TSNARE1: variants seen among roughly 807,000 people sequenced by gnomAD.
TSNARE1 encodes the protein t-SNARE domain containing 1.
Under a neutral mutation model 62.0 loss-of-function variants are expected in TSNARE1, and 49 were observed. That is an observed-to-expected ratio of 0.79 (90% confidence interval 0.63 to 1.00). TSNARE1 has a LOEUF of 1.00. Ranked by LOEUF, TSNARE1 falls within the 50% of genes least tolerant of loss-of-function variation. The probability of loss-of-function intolerance (pLI) is 0.00; values close to 1 mark genes in which losing one functional copy is unlikely to be tolerated. For synonymous variants in TSNARE1, 328 were observed against 294.4 expected, an observed-to-expected ratio of 1.11 and a Z score of -1.17; for missense variants, 755 against 700.1, an observed-to-expected ratio of 1.08 and a Z score of -0.88.
chr8:142,229,202 A>G (rs1332256062), intron 13 of TSNARE1, among the ~76,000 whole-genome samples: 2 of 149,652 alleles, frequency 1.3e-5, no homozygotes, highest in African/African-American at 2.5e-5. Context: ...GAATGGGTGG[A>G]TAGAAGGGTG....
upstream of TSNARE1, chr8:142,403,839 G>A (rs901768146): frequency 1.3e-5 from 2 of 152,370 alleles, no homozygotes; most frequent in African/African-American, 4.8e-5. Flanking sequence ...GCAGGGGCCT[G>A]GGGCGCCTCC....
intron 10 of TSNARE1, among the ~76,000 whole-genome samples, chr8:142,287,576 C>T (rs1822973025): frequency 7.4e-6 from 1 of 135,530 alleles, no homozygotes; most frequent in South Asian, 2.6e-4. Flanking sequence ...AGGACCCCGG[C>T]CAGATCTCAG....
At chr8:142,396,760 T>C (rs560005286) in intron 1 of TSNARE1, among the ~76,000 whole-genome samples, 106 of 152,270 alleles carry the variant, frequency 7.0e-4, no homozygotes, top group African/African-American at 2.5e-3. Flanking sequence ...TCAGGTAAGT[T>C]TCCCAAGGCT....
chr8:142,258,649 T>A (rs1404219937), intron 12 of TSNARE1, among the ~76,000 whole-genome samples: 1 of 150,978 alleles, frequency 6.6e-6, no homozygotes, highest in African/African-American at 2.4e-5. Context: ...ACCTGGCTAA[T>A]TTTTTTTGTA....
chr8:142,284,313 G>A lies in TSNARE1; in HGVS notation c.1363+100C>T, dbSNP rs566619063. 7 of 922,302 alleles carry A rather than the reference G, an allele frequency of 7.6e-6. No homozygotes were observed. In the East Asian group the frequency reaches 1.7e-4, roughly 22 times the overall value. The allele number at this position is 922,302 out of a possible 1,614,324, so 57.1% of individuals were successfully genotyped here. A position where few individuals can be genotyped will look rare whatever the true frequency, so the allele number is the denominator to read the frequency against. ...CCCAGCCTGGGCCTGGCTCCTCTTA[G>A]AGGCCCCTTCACCCACCCTTAGGTG... On this transcript the variant is annotated intron_variant, in intron 11 of 13. Coordinates refer to ENST00000524325, the MANE Select transcript of TSNARE1 (RefSeq NM_145003.5).
At chr8:142,277,271 T>C in intron 11 of TSNARE1, 1 of 985,290 alleles carries the variant, frequency 1.0e-6, no homozygotes, top group Non-Finnish European at 1.2e-6. Flanking sequence ...GCCAGAGGCC[T>C]CCAGGGGCCA....
chr8:142,290,566 C>T (rs922387809), intron 10 of TSNARE1, among the ~76,000 whole-genome samples: 1 of 152,256 alleles, frequency 6.6e-6, no homozygotes, highest in Non-Finnish European at 1.5e-5. Context: ...GCATTTTTCT[C>T]TATCACACCA....
In TSNARE1 at chr8:142,330,479, T is replaced by C. The variant is rs150529537; in HGVS notation, c.893+422A>G. The stretch of plus-strand genomic sequence containing the variant: ...GGACGCCCCACTCCAACCTAGCCCA[T>C]GGCTGTGCAAATGGTACATCTGTGT... On this transcript the variant is annotated intron_variant, in intron 6 of 13. Transcript: ENST00000524325. Among the ~76,000 whole-genome samples the C allele has an allele frequency of 1.9e-3, 295 of 152,342 alleles. 2 individuals carry two copies. The highest frequency in any genetic ancestry group is 6.6e-3 in the African/African-American group (276 of 41,596).
chr8:142,214,128 C>G (rs1214383200), intron 13 of TSNARE1, among the ~76,000 whole-genome samples: 1 of 152,208 alleles, frequency 6.6e-6, no homozygotes. Flanking sequence ...CTGGCCGACT[C>G]TGACATAGCC....
intron 11 of TSNARE1, 146 bp from the exon 12 acceptor site, chr8:142,275,009 G>A (rs1486459524): frequency 2.0e-5 from 28 of 1,372,660 alleles, no homozygotes; most frequent in Non-Finnish European, 2.5e-5. Context: ...TGGGCTGCCA[G>A]ACGTGCCGAG....
At chr8:142,359,166 C>T (rs920436148) in intron 1 of TSNARE1, among the ~76,000 whole-genome samples, 1 of 152,116 alleles carries the variant, frequency 6.6e-6, no homozygotes, top group Non-Finnish European at 1.5e-5. Context: ...CACTTCTCAA[C>T]CCAGCTGTCC....
intron 1 of TSNARE1, among the ~76,000 whole-genome samples, chr8:142,376,269 T>C (rs1241946362): frequency 1.3e-5 from 2 of 152,150 alleles, no homozygotes; most frequent in East Asian, 3.9e-4. Flanking sequence ...TGTTTTCCCC[T>C]GAGGGGAACT....
At chr8:142,250,236 G>A (rs914379633) in intron 12 of TSNARE1, among the ~76,000 whole-genome samples, 6 of 152,142 alleles carry the variant, frequency 3.9e-5, no homozygotes, top group East Asian at 1.9e-4. Flanking sequence ...TCCTGCCAGC[G>A]GCAAGAGCAT....
At chr8:142,360,020 C>T (rs1202782842) in intron 1 of TSNARE1, among the ~76,000 whole-genome samples, 1 of 152,212 alleles carries the variant, frequency 6.6e-6, no homozygotes, top group East Asian at 1.9e-4. Context: ...AGGGCTGTGC[C>T]ACAGAAGCCA....
At chr8:142,367,544 G>A (rs1835643391) in intron 1 of TSNARE1, among the ~76,000 whole-genome samples, 1 of 152,188 alleles carries the variant, frequency 6.6e-6, no homozygotes, top group African/African-American at 2.4e-5. Context: ...GGGGACTAGG[G>A]AGTGACTGCT....
chr8:142,406,258 A>T (rs1446753735), upstream of TSNARE1: 5 of 152,268 alleles, frequency 3.3e-5, no homozygotes, highest in Non-Finnish European at 7.3e-5. Context: ...TGCTCCCTTT[A>T]TGGGTCTGCC....
chr8:142,387,590 TAA>T (rs143261643), intron 1 of TSNARE1, among the ~76,000 whole-genome samples: 1 of 151,452 alleles, frequency 6.6e-6, no homozygotes, highest in Non-Finnish European at 1.5e-5. Context: ...CCAAAGATAT[TAA>T]AAGAGTCACA....
rs997825778 is a variant in TSNARE1 at position 142,278,166 on chromosome 8, G to A, written c.1364-3303C>T. The A allele has an allele frequency of 8.6e-5, 85 of 984,954 alleles. No individual in the cohort carries two copies. The South Asian group carries it at 8.9e-4, about 10-fold the overall frequency. 61.0% of individuals were successfully genotyped at this position (984,954 alleles called of 1,614,324 possible). ...ACAAGGCCTAGTGCCCAGGCCCATC[G>A]CCCAAGGCCCACAGCCCAGGCCCCT... On this transcript the variant is annotated intron_variant, in intron 11 of 13. Transcript: ENST00000524325.
intron 13 of TSNARE1, among the ~76,000 whole-genome samples, chr8:142,222,419 T>TTCACTCACTCACTCATCCACTAATTCAC (rs1816367153): frequency 7.4e-6 from 1 of 135,318 alleles, no homozygotes; most frequent in Non-Finnish European, 1.6e-5. Flanking sequence ...CACTCACTCA[T>TTCACTCACTCACTCATCCACTAATTCAC]TCACTCACTC....
Sources: allele counts gnomAD v4.1 joint callset (sites outside exome capture counted in the v4.1 genomes callset), GRCh38; gene constraint gnomAD v4.1.1; transcripts MANE v1.5; gene names NCBI Gene and HGNC (gene_info 2026-07-23, HGNC 2026-07-21).